The following ATP9B variants were observed in gnomAD, a reference collection of about 807,000 sequenced individuals.
ATP9B encodes the protein ATPase phospholipid transporting 9B.
A neutral mutation model predicts 146.1 loss-of-function variants in ATP9B; 110 were observed. That is an observed-to-expected ratio of 0.75 (90% CI 0.65 to 0.88). The LOEUF (loss-of-function observed/expected upper bound fraction) is 0.88, where lower values mean the gene tolerates loss of function less well. ATP9B is among the 40% of genes least tolerant of loss of function. The pLI is 0.00. For synonymous variants in ATP9B, 604 were observed against 569.7 expected (o/e 1.06, Z -0.86); for missense variants, 1,499 against 1,496.4 (o/e 1.00, Z -0.03).
At chr18:79,271,441 A>G (rs1261950718) in intron 12 of ATP9B, among the ~76,000 whole-genome samples, 3 of 122,872 alleles carry the variant, frequency 2.4e-5, no homozygotes, top group African/African-American at 9.7e-5. Context: ...TCCTGTGTCC[A>G]TGTGTTCTCA....
rs556625903 is a variant in ATP9B at position 79,109,992 on chromosome 18, T to C, written c.294-363T>C. Among the ~76,000 whole-genome samples the C allele has an allele frequency of 2.6e-5, 4 of 152,350 alleles. No homozygotes were observed. In the East Asian group the frequency reaches 7.7e-4, roughly 29 times the overall value. ...GGATTAATTGAAATCCAAGGACCTT[T>C]ATCATTGAAAAGTGTATTGGGAATT... On this transcript the variant is annotated intron_variant, in intron 2 of 29. Coordinates refer to ENST00000426216, the MANE Select transcript of ATP9B (RefSeq NM_198531.5).
intron 13 of ATP9B, among the ~76,000 whole-genome samples, chr18:79,289,628 C>T (rs948373180): frequency 2.6e-5 from 4 of 152,240 alleles, no homozygotes; most frequent in Non-Finnish European, 5.9e-5. Context: ...AGTCATTCTC[C>T]GTCCAGCTTT....
intron 1 of ATP9B, among the ~76,000 whole-genome samples, chr18:79,077,209 T>C (rs138522837): frequency 5.6e-4 from 85 of 152,306 alleles, no homozygotes; most frequent in South Asian, 4.4e-3. Context: ...ACATTTTGGG[T>C]ATTATGTTAT....
intron 11 of ATP9B, among the ~76,000 whole-genome samples, chr18:79,227,441 C>T (rs975297058): frequency 7.8e-6 from 1 of 127,692 alleles, no homozygotes; most frequent in Non-Finnish European, 1.6e-5. Flanking sequence ...GTGGGTGAAT[C>T]GGATGGATGG....
intron 28 of ATP9B, 138 bp downstream of exon 28, chr18:79,374,239 G>C: frequency 9.7e-7 from 1 of 1,031,814 alleles, no homozygotes; most frequent in East Asian, 2.6e-5. Flanking sequence ...TGCTCTTACT[G>C]TCCCTGCACC....
At chr18:79,092,319 G>A (rs957882901) in intron 1 of ATP9B, among the ~76,000 whole-genome samples, 1 of 152,116 alleles carries the variant, frequency 6.6e-6, no homozygotes, top group Non-Finnish European at 1.5e-5. Context: ...ACAAACTTGT[G>A]CAGCATGTTA....
chr18:79,210,066 C>G (rs2095569926), intron 10 of ATP9B, among the ~76,000 whole-genome samples: 1 of 152,162 alleles, frequency 6.6e-6, no homozygotes, highest in Non-Finnish European at 1.5e-5. Context: ...AACCGGGACT[C>G]AGGTTAGACA....
chr18:79,187,471 T>G (rs1308517484), intron 8 of ATP9B, among the ~76,000 whole-genome samples: 1 of 152,222 alleles, frequency 6.6e-6, no homozygotes, highest in East Asian at 1.9e-4. Flanking sequence ...TACCTGGTCC[T>G]AACCAGCTGC....
chr18:79,290,059 CA>C (rs942535070), intron 13 of ATP9B, among the ~76,000 whole-genome samples: 1 of 152,232 alleles, frequency 6.6e-6, no homozygotes, highest in East Asian at 1.9e-4. Flanking sequence ...GCTCGGGGGT[CA>C]GGGGTCAGGG....
At chr18:79,320,653 G>T (rs1219057136) in intron 15 of ATP9B, among the ~76,000 whole-genome samples, 2 of 152,196 alleles carry the variant, frequency 1.3e-5, no homozygotes, top group African/African-American at 4.8e-5. Context: ...TGTCTTTACT[G>T]GATCTGCATA....
chr18:79,377,075 A>G (rs925037147), intron 29 of ATP9B, among the ~76,000 whole-genome samples, 172 bp from the exon 30 acceptor site: 4 of 152,184 alleles, frequency 2.6e-5, no homozygotes, highest in African/African-American at 9.7e-5. Context: ...AGGTCAAACA[A>G]TTCTGCAGTC....
At chr18:79,181,316 T>A (rs8099244) in intron 8 of ATP9B, among the ~76,000 whole-genome samples, 85,414 of 152,012 alleles carry the variant, frequency 0.56, 25,704 homozygotes, top group African/African-American at 0.79. Flanking sequence ...TTTAAGTGTG[T>A]TGATGCATTT....
At chr18:79,238,057 T>TA (rs1279431261) in intron 11 of ATP9B, among the ~76,000 whole-genome samples, 1 of 151,990 alleles carries the variant, frequency 6.6e-6, no homozygotes, top group Non-Finnish European at 1.5e-5. Context: ...TGCTGCTATT[T>TA]AAAAATAAAA....
intron 8 of ATP9B, among the ~76,000 whole-genome samples, chr18:79,192,192 ATC>A (rs2095373084): frequency 6.6e-6 from 1 of 151,930 alleles, no homozygotes; most frequent in African/African-American, 2.4e-5. Context: ...GGTCACCCTA[ATC>A]TCTCACCTCT....
intron 8 of ATP9B, among the ~76,000 whole-genome samples, chr18:79,183,559 G>A (rs548443486): frequency 2.6e-5 from 4 of 152,042 alleles, no homozygotes; most frequent in African/African-American, 9.6e-5. Context: ...ATTTTCCAAT[G>A]TTTCTAAATA....
chr18:79,146,649 G>C (rs2094595338), intron 6 of ATP9B: 1 of 265,826 alleles, frequency 3.8e-6, no homozygotes, highest in South Asian at 3.6e-5. Flanking sequence ...GGTCCATGCT[G>C]CATATCGGGG....
intron 8 of ATP9B, 114 bp downstream of exon 8, chr18:79,177,021 TA>T: frequency 2.3e-6 from 2 of 851,280 alleles, no homozygotes; most frequent in South Asian, 3.9e-5. Flanking sequence ...ATTTGTTTTA[TA>T]ATTTCTTTAT....
chr18:79,149,775 A>T (rs1047667304), intron 6 of ATP9B, among the ~76,000 whole-genome samples: 5 of 152,168 alleles, frequency 3.3e-5, no homozygotes, highest in African/African-American at 1.2e-4. Flanking sequence ...TTTGACAAAG[A>T]TTTACAGATA....
chr18:79,340,976 T>C (rs1467943739), intron 19 of ATP9B, among the ~76,000 whole-genome samples: 3 of 152,216 alleles, frequency 2.0e-5, no homozygotes, highest in African/African-American at 4.8e-5. Context: ...GTAGGCACCT[T>C]TGACACTCAC....
Sources: gnomAD v4.1 joint callset for allele counts (sites outside exome capture counted in the v4.1 genomes callset) on GRCh38, gnomAD v4.1.1 for gene constraint, MANE v1.5 for transcripts, NCBI Gene and HGNC (gene_info 2026-07-23, HGNC 2026-07-21) for gene names.